APBA2: variants seen among roughly 807,000 people sequenced by gnomAD.
The protein encoded by APBA2 is amyloid beta precursor protein binding family A member 2.
APBA2 carries 30 observed loss-of-function variants against 75.0 expected under a neutral mutation model. The observed-to-expected ratio is 0.40, with a 90% CI of 0.30 to 0.54. APBA2 has a LOEUF of 0.54. APBA2 is among the 20% of genes least tolerant of loss of function. The pLI, the probability that APBA2 is intolerant of heterozygous loss-of-function variation, is 0.49. For synonymous variants in APBA2, 444 were observed against 409.6 expected (o/e 1.08, Z -1.01); for missense variants, 801 against 1,016.1 (o/e 0.79, Z 2.88).
intron 1 of APBA2, 85 bp downstream of exon 1, chr15:28,886,363 G>A (rs1018423291): frequency 1.3e-5 from 2 of 151,608 alleles, no homozygotes; most frequent in Admixed American, 1.3e-4. Context: ...CGGACGCGTG[G>A]GGGGCGGCGC....
intron 2 of APBA2, among the ~76,000 whole-genome samples, chr15:28,956,347 G>A (rs887150731): frequency 6.6e-6 from 1 of 151,940 alleles, no homozygotes; most frequent in African/African-American, 2.4e-5. Context: ...CAGATGGGGT[G>A]GGGTCCCAAG....
At chr15:29,100,971 T>A (rs762813983) in intron 9 of APBA2, among the ~76,000 whole-genome samples, 1 of 152,192 alleles carries the variant, frequency 6.6e-6, no homozygotes, top group Non-Finnish European at 1.5e-5. Flanking sequence ...CCTAAAACGC[T>A]CTGTTAATTA....
chr15:28,918,952 A>T lies in APBA2; in HGVS notation c.-204-2688A>T, dbSNP rs968698442. 1.3e-4 allele frequency among the ~76,000 whole-genome samples: 19 copies of T among 151,202 alleles called. No homozygotes were observed. The highest frequency in any genetic ancestry group is 2.6e-4 in the Admixed American group (4 of 15,160). ...TTGGCTCACTGCAAGCTCCGCCTCC[A>T]GGGTTCACGCCATTCTCCTGCCTCA... On this transcript the variant is annotated intron_variant, in intron 1 of 14. Transcript: ENST00000683413. This position sits in a 1 kb window ranked among gnomAD's most constrained non-coding sequence, Gnocchi z 4.2.
chr15:28,995,383 G>A (rs1472911269), intron 2 of APBA2, among the ~76,000 whole-genome samples: 1 of 152,114 alleles, frequency 6.6e-6, no homozygotes, highest in South Asian at 2.1e-4. Flanking sequence ...TGAAAGTGTC[G>A]TGAAGCACCA....
intron 3 of APBA2, among the ~76,000 whole-genome samples, chr15:29,049,579 A>G (rs1353708003): frequency 6.6e-6 from 1 of 152,124 alleles, no homozygotes; most frequent in Non-Finnish European, 1.5e-5. Context: ...TCTCTGTCAT[A>G]CCTAAAAAAT....
Position 28,940,562 on chromosome 15 carries a change from G to GA in APBA2, c.-95+18825dup, listed in dbSNP as rs1254059398. Among the ~76,000 whole-genome samples the GA allele has an allele frequency of 6.5e-3, 689 of 106,178 alleles. 3 individuals carry two copies. Among genetic ancestry groups the GA allele is most frequent in the African/African-American group, 0.023 (608 of 26,094 alleles). The allele number at this position is 106,178 out of a possible 152,430, so 69.7% of individuals were successfully genotyped here. A position where few individuals can be genotyped will look rare whatever the true frequency, so the allele number is the denominator to read the frequency against. On this transcript the variant is annotated intron_variant, in intron 2 of 14. Transcript: ENST00000683413. ...AGCGAGACTCTGTATCAAAAAAAAA[G>GA]AAAAAAAAAAAAGAAAAGAAAAAGA...
intron 2 of APBA2, among the ~76,000 whole-genome samples, chr15:28,950,127 T>A (rs552928620): frequency 3.9e-5 from 6 of 152,190 alleles, no homozygotes; most frequent in Non-Finnish European, 7.3e-5. Flanking sequence ...AGAGTACAGG[T>A]CTTTGTGAAT....
At chr15:28,972,018 A>G (rs2037095666) in intron 2 of APBA2, among the ~76,000 whole-genome samples, 2 of 152,258 alleles carry the variant, frequency 1.3e-5, no homozygotes, top group South Asian at 4.1e-4. Context: ...AGCTCTTCAT[A>G]AAATAAGACT....
chr15:29,030,922 T>G (rs1220297516), intron 3 of APBA2, among the ~76,000 whole-genome samples: 1 of 152,204 alleles, frequency 6.6e-6, no homozygotes, highest in Non-Finnish European at 1.5e-5. Context: ...ATTATTTGCT[T>G]GGTTTATATT....
chr15:29,116,408 C>T (rs1414794528), intron 14 of APBA2, among the ~76,000 whole-genome samples: 4 of 152,100 alleles, frequency 2.6e-5, no homozygotes, highest in Non-Finnish European at 5.9e-5. Flanking sequence ...GGGCGTATCA[C>T]GAGGTCGGGA....
At chr15:29,097,791 G>A (rs932145490) in intron 8 of APBA2, among the ~76,000 whole-genome samples, 11 of 152,132 alleles carry the variant, frequency 7.2e-5, no homozygotes, top group South Asian at 2.1e-4. Flanking sequence ...CTTTGTGTCC[G>A]TGGACCAATA....
intron 2 of APBA2, among the ~76,000 whole-genome samples, chr15:28,985,066 T>G (rs2037847768): frequency 6.6e-6 from 1 of 152,106 alleles, no homozygotes; most frequent in Non-Finnish European, 1.5e-5. Context: ...TCTGTACACA[T>G]TGGATCCTGA....
At chr15:29,112,202 C>T (rs1367458039) in intron 13 of APBA2, among the ~76,000 whole-genome samples, 1 of 152,198 alleles carries the variant, frequency 6.6e-6, no homozygotes, top group Non-Finnish European at 1.5e-5. Context: ...ACTGGGGTTC[C>T]CCTCAGCCTC....
rs2043650903 is a variant in APBA2, at chr15:29,092,972, C to T, written c.1070-103C>T. 7 of 1,491,736 alleles carry T rather than the reference C, an allele frequency of 4.7e-6. No homozygotes were observed. The Middle Eastern group carries it at 5.2e-4, about 111-fold the overall frequency. The allele number at this position is 1,491,736 out of a possible 1,614,324, so 92.4% of individuals were successfully genotyped here. On this transcript the variant is annotated intron_variant, in intron 6 of 14. Transcript: ENST00000683413. ...ATGGTTGGGCCCTTCTAGTTTGCCC[C>T]GCATCCTGGCTGCCGTGTTCCTTGT...
intron 2 of APBA2, among the ~76,000 whole-genome samples, chr15:28,931,230 C>A (rs2034547197): frequency 6.6e-6 from 1 of 152,238 alleles, no homozygotes; most frequent in Non-Finnish European, 1.5e-5. Flanking sequence ...CTTGTCACCT[C>A]TCCTGGCCCT....
intron 4 of APBA2, among the ~76,000 whole-genome samples, chr15:29,067,824 G>T (rs2042443266): frequency 6.6e-6 from 1 of 152,158 alleles, no homozygotes; most frequent in Admixed American, 6.5e-5. Context: ...ATTATGAGTT[G>T]TAGGGCTTTG....
chr15:28,910,358 G>A (rs1340775077), intron 1 of APBA2, among the ~76,000 whole-genome samples: 1 of 152,168 alleles, frequency 6.6e-6, no homozygotes, highest in Non-Finnish European at 1.5e-5. Context: ...ACAGCACCAG[G>A]GGCAGGAAAT....
chr15:29,117,038 T>G, intron 14 of APBA2, 24 bp from the exon 15 acceptor site: 2 of 1,612,346 alleles, frequency 1.2e-6, no homozygotes, highest in Non-Finnish European at 1.7e-6. Context: ...GGGCAGCGGC[T>G]CAGCCTCCTG....
intron 3 of APBA2, among the ~76,000 whole-genome samples, chr15:29,032,170 G>C (rs2040521802): frequency 6.6e-6 from 1 of 152,252 alleles, no homozygotes; most frequent in Admixed American, 6.5e-5. Context: ...AGTCATTCCT[G>C]TGTAGTCATG....
Sources: allele counts gnomAD v4.1 joint callset (sites outside exome capture counted in the v4.1 genomes callset), GRCh38; gene constraint gnomAD v4.1.1; non-coding constraint Gnocchi (gnomAD v3.1); transcripts MANE v1.5; gene names NCBI Gene and HGNC (gene_info 2026-07-23, HGNC 2026-07-21).